CPA3: variants seen among roughly 807,000 people sequenced by gnomAD.
CPA3 encodes mast cell carboxypeptidase A.
In CPA3, 52 loss-of-function variants were observed where a neutral mutation model predicts 55.8. The ratio of observed to expected loss-of-function variants is 0.93; its 90% CI spans 0.75 to 1.17. The LOEUF (loss-of-function observed/expected upper bound fraction) is 1.17, where lower values mean the gene tolerates loss of function less well. Ranked by LOEUF, CPA3 falls within the 50% of genes most tolerant of loss-of-function variation. The pLI, the probability that CPA3 is intolerant of heterozygous loss-of-function variation, is 0.00. For synonymous variants in CPA3, 179 were observed against 171.2 expected, an observed-to-expected ratio of 1.05 and a Z score of -0.36; for missense variants, 547 against 509.1, an observed-to-expected ratio of 1.07 and a Z score of -0.72.
chr3:148,885,281 T>C (rs1305808454), intron 9 of CPA3, among the ~76,000 whole-genome samples: 1 of 150,090 alleles, frequency 6.7e-6, no homozygotes. Context: ...GCCAAAAAAA[T>C]TGACAGGAAA....
intron 3 of CPA3, among the ~76,000 whole-genome samples, chr3:148,875,669 C>G (rs1430464943): frequency 1.3e-5 from 2 of 152,152 alleles, no homozygotes; most frequent in East Asian, 3.9e-4. Context: ...CTGGGTTAAA[C>G]AAGATTTTTA....
intron 10 of CPA3, among the ~76,000 whole-genome samples, chr3:148,891,471 C>A (rs1028213692): frequency 7.5e-6 from 1 of 132,928 alleles, no homozygotes; most frequent in African/African-American, 2.8e-5. Flanking sequence ...CAGAGCAAGA[C>A]CCTGTCACAT....
At chr3:148,890,310 A>C (rs1254017717) in intron 10 of CPA3, among the ~76,000 whole-genome samples, 2 of 152,304 alleles carry the variant, frequency 1.3e-5, no homozygotes, top group African/African-American at 4.8e-5. Context: ...AAGAATAGTT[A>C]TTTGAGTTGA....
At chr3:148,868,546 T>C (rs1713970168) in intron 2 of CPA3, among the ~76,000 whole-genome samples, 1 of 152,186 alleles carries the variant, frequency 6.6e-6, no homozygotes, top group South Asian at 2.1e-4. Flanking sequence ...TAACCAGATA[T>C]TTAACTTAAA....
At chr3:148,887,197 G>T (rs73016151) in intron 10 of CPA3, among the ~76,000 whole-genome samples, 9,219 of 152,108 alleles carry the variant, frequency 0.061, 961 homozygotes, top group African/African-American at 0.21. Context: ...TACTCAACCG[G>T]AGAATCATAG....
chr3:148,872,074 C>T (rs942111858), intron 3 of CPA3, among the ~76,000 whole-genome samples: 2 of 152,072 alleles, frequency 1.3e-5, no homozygotes, highest in Non-Finnish European at 2.9e-5. Context: ...TAGTTTAAAG[C>T]ATCTGTGTGG....
rs181265601 is a variant in CPA3 at position 148,867,885 on chromosome 3, T to C, written c.145-1030T>C. On this transcript the variant is annotated intron_variant, in intron 2 of 10. Coordinates refer to ENST00000296046, the MANE Select transcript of CPA3 (RefSeq NM_001870.4). ...GAACTGGAATCTTTTCAATGTTTGC[T>C]TTTGTTTTTGTTTTTTGTGTTTTTT... Among the ~76,000 whole-genome samples, 358 of 152,298 alleles carry C rather than the reference T, an allele frequency of 2.4e-3. 1 individual carries two copies. Among genetic ancestry groups the C allele is most frequent in the Non-Finnish European group, 3.3e-3 (227 of 68,024 alleles).
At chr3:148,880,485 C>G (rs75618442) in intron 6 of CPA3, among the ~76,000 whole-genome samples, 1 of 152,030 alleles carries the variant, frequency 6.6e-6, no homozygotes, top group Non-Finnish European at 1.5e-5. Context: ...GCATGCGCCA[C>G]CATGCCTGGC....
At chr3:148,883,314 T>C (rs1714424113) in intron 8 of CPA3, among the ~76,000 whole-genome samples, 1 of 152,206 alleles carries the variant, frequency 6.6e-6, no homozygotes, top group Non-Finnish European at 1.5e-5. Flanking sequence ...GAATTAGAAC[T>C]GGAGTGTATC....
chr3:148,874,780 A>G (rs2108031540), intron 3 of CPA3, among the ~76,000 whole-genome samples: 1 of 152,362 alleles, frequency 6.6e-6, no homozygotes, highest in South Asian at 2.1e-4. Flanking sequence ...GGAGCTCAGC[A>G]GTGTCAGTGT....
Position 148,878,700 on chromosome 3 carries a change from T to A in CPA3, c.426T>A (p.Arg142=), listed in dbSNP as rs1363967205. The A allele has an allele frequency of 6.2e-7, 1 of 1,612,260 alleles. No individual in the cohort carries two copies. Among genetic ancestry groups the A allele is most frequent in the Admixed American group, 1.7e-5 (1 of 59,948 alleles). The change falls in exon 5 of 11, where the codon CGT becomes CGA. Residue 142 remains arginine, a synonymous_variant. Transcript: ENST00000296046. ...ATAAGTATCCTGAAATGGTCTCTCG[T>A]ATTAAAATTGGATCTACTGTTGAAG... ...MMDKYPEMVS[R]IKIGSTVEDN... is the part of the protein sequence containing the mutation.
Position 148,882,462 on chromosome 3 carries a change from C to G in CPA3, c.688-43C>G, listed in dbSNP as rs769211015. ...TTTGAAATGATCAAATTGAAAAATG[C>G]AAACTGATCTTGTGTAAACACTTAC... On this transcript the variant is annotated intron_variant, in intron 7 of 10. Coordinates refer to ENST00000296046, the MANE Select transcript of CPA3 (RefSeq NM_001870.4). The G allele has an allele frequency of 2.0e-6, 3 of 1,533,922 alleles. No individual in the cohort carries two copies. The African/African-American group carries it at 4.1e-5, about 21-fold the overall frequency.
chr3:148,873,909 T>G (rs944780451), intron 3 of CPA3, among the ~76,000 whole-genome samples: 2 of 152,246 alleles, frequency 1.3e-5, no homozygotes, highest in African/African-American at 4.8e-5. Flanking sequence ...TATTCAATAC[T>G]CAGTGATAAT....
At chr3:148,895,160 T>A (rs1331952432) in intron 10 of CPA3, among the ~76,000 whole-genome samples, 1 of 152,184 alleles carries the variant, frequency 6.6e-6, no homozygotes, top group Non-Finnish European at 1.5e-5. Context: ...AAACACCTAG[T>A]CCCGATTCAC....
chr3:148,881,282 T>G (rs184974030), intron 6 of CPA3, among the ~76,000 whole-genome samples: 10 of 152,304 alleles, frequency 6.6e-5, no homozygotes, highest in African/African-American at 2.4e-4. Context: ...GCTATAAGTC[T>G]CGATAATTAA....
chr3:148,868,832 G>A, intron 2 of CPA3, 83 bp from the exon 3 acceptor site: 1 of 1,486,052 alleles, frequency 6.7e-7, no homozygotes. Flanking sequence ...TCCTTTCATG[G>A]TGTATGAGAC....
At chr3:148,892,845 G>T (rs1714710993) in intron 10 of CPA3, among the ~76,000 whole-genome samples, 1 of 44,834 alleles carries the variant, frequency 2.2e-5, no homozygotes, top group African/African-American at 5.9e-5. Context: ...AGGTGTGGTG[G>T]CAGGCGCCTG....
rs757631082 is a variant in CPA3, at chr3:148,865,455, TC to T, written c.69-17del. The T allele has an allele frequency of 1.2e-6, 2 of 1,612,522 alleles. No homozygotes were observed. The highest frequency in any genetic ancestry group is 3.3e-5 in the Admixed American group (2 of 59,758). ...TTCCTTACAGTTCACTTTTTTTTTT[TC>T]ATTTGCCTCCACAAAGGGAGAAGGT... On this transcript the variant is annotated splice_polypyrimidine_tract_variant and intron_variant, in intron 1 of 10. Coordinates refer to ENST00000296046, the MANE Select transcript of CPA3 (RefSeq NM_001870.4).
chr3:148,892,297 C>A (rs4125858), intron 10 of CPA3, among the ~76,000 whole-genome samples: 66,891 of 151,970 alleles, frequency 0.44, 16,885 homozygotes, highest in Non-Finnish European at 0.57. Context: ...GGGCACCAGG[C>A]AATCACCTTT....
Sources: gnomAD v4.1 joint callset for allele counts (sites outside exome capture counted in the v4.1 genomes callset) on GRCh38, gnomAD v4.1.1 for gene constraint, MANE v1.5 for transcripts, NCBI Gene and HGNC (gene_info 2026-07-23, HGNC 2026-07-21) for gene names.